SGCD: variants seen among roughly 807,000 people sequenced by gnomAD.
The protein encoded by SGCD is delta-sarcoglycan.
SGCD carries 18 observed loss-of-function variants against 36.6 expected under a neutral mutation model. The observed-to-expected ratio is 0.49, with a 90% CI of 0.34 to 0.73. SGCD has a LOEUF of 0.73. Ranked by LOEUF, SGCD falls within the 30% of genes least tolerant of loss-of-function variation. SGCD has a pLI of 0.01. For missense variants in SGCD, 387 were observed against 346.7 expected, an observed-to-expected ratio of 1.12 and a Z score of -0.92; for synonymous variants, 133 against 130.6, an observed-to-expected ratio of 1.02 and a Z score of -0.12.
chr5:156,735,994 G>A (rs1756341049), intron 7 of SGCD, among the ~76,000 whole-genome samples: 1 of 152,150 alleles, frequency 6.6e-6, no homozygotes, highest in Non-Finnish European at 1.5e-5. Flanking sequence ...CATGGGAGAA[G>A]AGTTTTCCTG....
At chr5:156,122,882 A>G (rs1762079984) in intron 2 of SGCD, among the ~76,000 whole-genome samples, 1 of 139,390 alleles carries the variant, frequency 7.2e-6, no homozygotes, top group African/African-American at 2.7e-5. Flanking sequence ...AAAAAAAAAA[A>G]AAGGTCAGCT....
intron 1 of SGCD, among the ~76,000 whole-genome samples, chr5:156,079,501 G>A (rs1760891357): frequency 6.6e-6 from 1 of 152,124 alleles, no homozygotes; most frequent in Non-Finnish European, 1.5e-5. Context: ...CCTTCCATCT[G>A]TGAGCCTGTA....
At chr5:155,943,128 A>G (rs1757368089) in intron 1 of SGCD, among the ~76,000 whole-genome samples, 1 of 152,210 alleles carries the variant, frequency 6.6e-6, no homozygotes. Flanking sequence ...CAGATGCCAT[A>G]GTATATCTGT....
intron 1 of SGCD, among the ~76,000 whole-genome samples, chr5:155,925,357 T>C (rs1756975445): frequency 6.6e-6 from 1 of 152,292 alleles, no homozygotes; most frequent in South Asian, 2.1e-4. Flanking sequence ...AACAGAAATG[T>C]ACTCTCTCAC....
chr5:155,867,041 C>T (rs1021753660), upstream of SGCD, among the ~76,000 whole-genome samples: 8 of 152,002 alleles, frequency 5.3e-5, no homozygotes, highest in Admixed American at 2.0e-4. Context: ...CTCCATTTGG[C>T]CGTTTCTAGA....
chr5:156,001,968 C>G (rs1012577183), intron 1 of SGCD, among the ~76,000 whole-genome samples: 4 of 152,078 alleles, frequency 2.6e-5, no homozygotes, highest in African/African-American at 9.7e-5. Flanking sequence ...ACATTGAGAG[C>G]CAGGGTCAAA....
rs190236827 is a variant in SGCD at position 156,275,150 on chromosome 5, C to T, written c.-43-54384C>T. On this transcript the variant is annotated intron_variant, in intron 3 of 9. Transcript: ENST00000517913. ...TTGTCTTAACCCTTTGCCTTCCTTG[C>T]CCATAATCCCCTGATTGAGGGAGAA... 6.6e-5 allele frequency among the ~76,000 whole-genome samples: 10 copies of T among 152,212 alleles called. No homozygotes were observed. The East Asian group carries it at 1.7e-3, about 26-fold the overall frequency.
intron 3 of SGCD, among the ~76,000 whole-genome samples, chr5:156,468,904 A>T (rs1011675106): frequency 1.3e-5 from 2 of 152,158 alleles, no homozygotes; most frequent in African/African-American, 4.8e-5. Flanking sequence ...AGGCAGGAGA[A>T]TTGCTTGAAC....
chr5:156,246,024 C>T (rs1425569929), intron 3 of SGCD, among the ~76,000 whole-genome samples: 1 of 152,110 alleles, frequency 6.6e-6, no homozygotes, highest in Non-Finnish European at 1.5e-5. Context: ...ACTCAGATTA[C>T]AATATATTTA....
chr5:156,631,359 G>A (rs1762624121), intron 6 of SGCD, among the ~76,000 whole-genome samples: 1 of 151,848 alleles, frequency 6.6e-6, no homozygotes, highest in African/African-American at 2.4e-5. Flanking sequence ...TCAGATTAGT[G>A]TTGATTAACT....
At chr5:156,494,140 T>TA (rs1561733248) in intron 3 of SGCD, among the ~76,000 whole-genome samples, 1 of 152,024 alleles carries the variant, frequency 6.6e-6, no homozygotes. Flanking sequence ...CAGCAGTCAC[T>TA]ATAGGGCTGC....
rs564618852 is a variant in SGCD, at chr5:156,186,168, G to T, written c.-44+62149G>T. 1.1e-4 allele frequency among the ~76,000 whole-genome samples: 16 copies of T among 151,780 alleles called. No homozygotes were observed. In the South Asian group the frequency reaches 3.3e-3, roughly 32 times the overall value. ...ACCTGTTGAACCCCTCTTATACCAG[G>T]ACCTGAACTAAGGAGTGGATTATAA... On this transcript the variant is annotated intron_variant, in intron 3 of 9. Coordinates refer to the SGCD transcript ENST00000517913.
Position 155,957,794 on chromosome 5 carries a change from A to G in SGCD, c.-282+87370A>G, listed in dbSNP as rs75259580. On this transcript the variant is annotated intron_variant, in intron 1 of 9. Coordinates refer to the SGCD transcript ENST00000517913. ...TCTGCTCCCTTAGTTCTCCTTTGCT[A>G]TGCATATAATACAACCTACTCACAG... 6.9e-3 allele frequency among the ~76,000 whole-genome samples: 1,044 copies of G among 152,198 alleles called. 8 individuals carry two copies. Among genetic ancestry groups the G allele is most frequent in the African/African-American group, 0.024 (991 of 41,540 alleles).
At chr5:156,474,066 G>T (rs530931372) in intron 3 of SGCD, among the ~76,000 whole-genome samples, 1 of 151,886 alleles carries the variant, frequency 6.6e-6, no homozygotes, top group African/African-American at 2.4e-5. Context: ...TCCAGTGGGG[G>T]AGGGAGAGCA....
At chr5:156,524,383 G>A (rs1312341802) in intron 4 of SGCD, among the ~76,000 whole-genome samples, 3 of 148,126 alleles carry the variant, frequency 2.0e-5, no homozygotes, top group Middle Eastern at 3.6e-3. Context: ...CTTACTTCTT[G>A]TTTCTCTCTC....
the SGCD span, among the ~76,000 whole-genome samples, chr5:155,806,708 G>A: frequency 6.6e-6 from 1 of 152,112 alleles, no homozygotes; most frequent in Non-Finnish European, 1.5e-5. Flanking sequence ...GTATTCAGGA[G>A]TAATCATTAT....
At chr5:156,224,831 A>G (rs559788437) in intron 3 of SGCD, among the ~76,000 whole-genome samples, 1 of 152,246 alleles carries the variant, frequency 6.6e-6, no homozygotes, top group East Asian at 1.9e-4. Context: ...CATTTAGTCT[A>G]TAGCCTTTCT....
At chr5:156,074,718 G>T (rs114358224) in intron 1 of SGCD, among the ~76,000 whole-genome samples, 52 of 152,158 alleles carry the variant, frequency 3.4e-4, no homozygotes, top group Middle Eastern at 3.4e-3. Context: ...TTTAAAAGGG[G>T]AATTTATCTG....
At chr5:156,040,032 C>T (rs1284272362) in intron 1 of SGCD, among the ~76,000 whole-genome samples, 1 of 152,112 alleles carries the variant, frequency 6.6e-6, no homozygotes, top group Non-Finnish European at 1.5e-5. Flanking sequence ...AAAAGTGGAG[C>T]TCCAAGACAA....
Sources: allele counts gnomAD v4.1 joint callset (sites outside exome capture counted in the v4.1 genomes callset), GRCh38; gene constraint gnomAD v4.1.1; transcripts MANE v1.5; gene names NCBI Gene and HGNC (gene_info 2026-07-23, HGNC 2026-07-21).